Variants in CLSTN2 observed in about 807,000 individuals in gnomAD.
CLSTN2 encodes calsyntenin 2, also known as calsyntenin-2.
In CLSTN2, 48 loss-of-function variants were observed where a neutral mutation model predicts 101.2. The observed-to-expected ratio is 0.47, with a 90% CI of 0.38 to 0.60. The LOEUF (loss-of-function observed/expected upper bound fraction) is 0.60. Ranked by LOEUF, CLSTN2 falls within the 20% of genes least tolerant of loss-of-function variation. CLSTN2 has a pLI of 0.00. For missense variants in CLSTN2, 1,160 were observed against 1,238.2 expected (o/e 0.94, Z 0.95); for synonymous variants, 481 against 463.6 (o/e 1.04, Z -0.48).
At chr3:140,393,616 C>T (rs908888837) in intron 2 of CLSTN2, among the ~76,000 whole-genome samples, 1 of 152,142 alleles carries the variant, frequency 6.6e-6, no homozygotes, top group African/African-American at 2.4e-5. Flanking sequence ...TTCTTTAACT[C>T]TCCAAGGTGT....
At chr3:140,466,222 A>C (rs1034119579) in intron 7 of CLSTN2, among the ~76,000 whole-genome samples, 7 of 152,202 alleles carry the variant, frequency 4.6e-5, no homozygotes, top group African/African-American at 1.7e-4. Flanking sequence ...ATGTTAAAGG[A>C]GCACAGAGTG....
intron 2 of CLSTN2, among the ~76,000 whole-genome samples, chr3:140,197,991 A>G (rs2010667537): frequency 6.6e-6 from 1 of 152,158 alleles, no homozygotes; most frequent in Non-Finnish European, 1.5e-5. Context: ...GGCAATTAGA[A>G]TTTTATTTGT....
In CLSTN2 at chr3:140,576,044, C is replaced by A. The variant is rs183457458; in HGVS notation, c.*9791C>A. 5 of 152,230 alleles carry A rather than the reference C, an allele frequency of 3.3e-5. No homozygotes were observed. Among genetic ancestry groups the A allele is most frequent in the African/African-American group, 7.2e-5 (3 of 41,524 alleles). The allele number at this position is 152,230 out of a possible 1,614,324, so 9.4% of individuals were successfully genotyped here. A position where few individuals can be genotyped will look rare whatever the true frequency, so the allele number is the denominator to read the frequency against. On this transcript the variant is annotated 3_prime_UTR_variant, in exon 17 of 17. Coordinates refer to ENST00000458420, the MANE Select transcript of CLSTN2 (RefSeq NM_022131.3). ...GGTAAACATTTGGAAATTGAAGACC[C>A]AGCTTATCACTCCTTCATAGAGACT...
intron 7 of CLSTN2, among the ~76,000 whole-genome samples, chr3:140,466,223 G>C (rs1423417465): frequency 4.6e-5 from 7 of 152,180 alleles, no homozygotes; most frequent in African/African-American, 1.7e-4. Flanking sequence ...TGTTAAAGGA[G>C]CACAGAGTGA....
At chr3:140,189,836 G>A (rs2010534662) in intron 2 of CLSTN2, among the ~76,000 whole-genome samples, 1 of 151,998 alleles carries the variant, frequency 6.6e-6, no homozygotes, top group Non-Finnish European at 1.5e-5. Context: ...ATTGCACCTT[G>A]GTCAAAAATC....
intron 1 of CLSTN2, among the ~76,000 whole-genome samples, chr3:140,172,117 G>T (rs891072762): frequency 1.3e-5 from 2 of 150,448 alleles, no homozygotes; most frequent in Non-Finnish European, 2.9e-5. Flanking sequence ...TATGAATTAG[G>T]GTGTGAAGTT....
intron 1 of CLSTN2, among the ~76,000 whole-genome samples, chr3:140,126,885 A>T (rs1442678544): frequency 2.0e-5 from 3 of 152,160 alleles, no homozygotes; most frequent in Non-Finnish European, 2.9e-5. Flanking sequence ...GTAAAGGCAC[A>T]CCAGTGGCTG....
At chr3:140,205,588 T>C (rs931750393) in intron 2 of CLSTN2, among the ~76,000 whole-genome samples, 26 of 144,958 alleles carry the variant, frequency 1.8e-4, no homozygotes, top group Non-Finnish European at 3.0e-4. Context: ...GGATTGAGGA[T>C]TGGGTACAGT....
intron 1 of CLSTN2, among the ~76,000 whole-genome samples, chr3:139,953,635 C>A (rs1308287318): frequency 6.6e-6 from 1 of 152,166 alleles, no homozygotes; most frequent in East Asian, 1.9e-4. Flanking sequence ...ATTGATGGAG[C>A]AGCATTCCAA....
At chr3:140,201,251 C>T (rs1001032671) in intron 2 of CLSTN2, among the ~76,000 whole-genome samples, 4 of 152,018 alleles carry the variant, frequency 2.6e-5, no homozygotes, top group African/African-American at 9.7e-5. Context: ...AGATGATTCT[C>T]GAAATAGCCA....
At chr3:140,465,489 A>G (rs1933671677) in intron 7 of CLSTN2, among the ~76,000 whole-genome samples, 3 of 152,224 alleles carry the variant, frequency 2.0e-5, no homozygotes, top group Admixed American at 2.0e-4. Context: ...GGCCTGCACT[A>G]GGAACATGGT....
chr3:140,156,214 C>T (rs1576448643), intron 1 of CLSTN2, among the ~76,000 whole-genome samples: 2 of 152,270 alleles, frequency 1.3e-5, no homozygotes, highest in East Asian at 3.9e-4. Context: ...AGGTCATGTT[C>T]AGGGTCAGTG....
intron 1 of CLSTN2, among the ~76,000 whole-genome samples, chr3:140,093,378 C>T (rs1402300406): frequency 2.0e-5 from 3 of 152,176 alleles, no homozygotes; most frequent in African/African-American, 7.2e-5. Flanking sequence ...TCACTGCCTT[C>T]TTGTTTCATC....
At chr3:139,986,152 T>C (rs1046527546) in intron 1 of CLSTN2, among the ~76,000 whole-genome samples, 1 of 152,184 alleles carries the variant, frequency 6.6e-6, no homozygotes, top group Non-Finnish European at 1.5e-5. Flanking sequence ...GAGGAAACAG[T>C]CATAGCTGCA....
intron 2 of CLSTN2, among the ~76,000 whole-genome samples, chr3:140,375,420 G>T (rs2107960612): frequency 6.6e-6 from 1 of 152,320 alleles, no homozygotes; most frequent in Admixed American, 6.5e-5. Context: ...ACATGCCTGG[G>T]AAGGCCATGA....
intron 2 of CLSTN2, among the ~76,000 whole-genome samples, chr3:140,183,233 C>G (rs944290396): frequency 6.6e-6 from 1 of 152,154 alleles, no homozygotes; most frequent in Non-Finnish European, 1.5e-5. Flanking sequence ...TCAGTGGATA[C>G]TTTTGGGCCA....
chr3:140,364,624 A>G (rs1339461925), intron 2 of CLSTN2, among the ~76,000 whole-genome samples: 1 of 152,138 alleles, frequency 6.6e-6, no homozygotes, highest in Non-Finnish European at 1.5e-5. Context: ...GAGAAAAAAG[A>G]GCAAGAGAGT....
intron 9 of CLSTN2, among the ~76,000 whole-genome samples, chr3:140,534,000 G>A (rs988882564): frequency 6.6e-6 from 1 of 152,144 alleles, no homozygotes; most frequent in Non-Finnish European, 1.5e-5. Flanking sequence ...AAATATTTCA[G>A]TAGAGCTTGG....
Position 140,096,692 on chromosome 3 carries a change from A to T in CLSTN2, c.110-79259A>T, listed in dbSNP as rs146806003. On this transcript the variant is annotated intron_variant, in intron 1 of 16. Transcript: ENST00000458420. The stretch of plus-strand genomic sequence containing the variant: ...GCCTCTTTTGAAAATGCCCAAAGCT[A>T]GATGTGGCCCATATGGGAAGCCTGG... Among the ~76,000 whole-genome samples, 154 of 152,346 alleles carry T rather than the reference A, an allele frequency of 1.0e-3. 4 individuals are homozygous for T. The East Asian group carries it at 0.013, about 13-fold the overall frequency.
Sources: gnomAD v4.1 joint callset for allele counts (sites outside exome capture counted in the v4.1 genomes callset) on GRCh38, gnomAD v4.1.1 for gene constraint, MANE v1.5 for transcripts, NCBI Gene and HGNC (gene_info 2026-07-23, HGNC 2026-07-21) for gene names.